Variants in ACOT8 observed in about 807,000 individuals in gnomAD.
ACOT8 encodes the protein acyl-coenzyme A thioesterase 8.
In ACOT8, 31 loss-of-function variants were observed where a neutral mutation model predicts 38.4. The ratio of observed to expected loss-of-function variants is 0.81; its 90% confidence interval spans 0.61 to 1.09. ACOT8 has a LOEUF of 1.09. Ranked by LOEUF, ACOT8 falls within the 50% of genes least tolerant of loss-of-function variation. The pLI, the probability that ACOT8 is intolerant of heterozygous loss-of-function variation, is 0.00. For synonymous variants in ACOT8, 158 were observed against 170.3 expected (o/e 0.93, Z 0.56); for missense variants, 373 against 421.8 (o/e 0.88, Z 1.01).
rs1205197822 is a variant in ACOT8, at chr20:45,857,175, A to C, written c.128+13T>G. ...CCTAAAGGAGGGGATGCTGGGCAGG[A>C]GCTGCCGGCTACCTGAAGAGATCCT... is the stretch of plus-strand genomic sequence containing the variant. On this transcript the variant is annotated intron_variant, in intron 1 of 5. Transcript: ENST00000217455. 6.2e-7 allele frequency: 1 copy of C among 1,608,880 alleles called. No individual in the cohort carries two copies. The highest frequency in any genetic ancestry group is 8.5e-7 in the Non-Finnish European group (1 of 1,176,702).
intron 2 of ACOT8, among the ~76,000 whole-genome samples, chr20:45,849,452 ATTT>A (rs58429995): frequency 1.6e-5 from 2 of 127,728 alleles, no homozygotes; most frequent in Admixed American, 8.4e-5. Context: ...TACCCAGCTA[ATTT>A]TTTTTTTTTT....
chr20:45,854,936 G>C (rs1233467415), intron 2 of ACOT8, among the ~76,000 whole-genome samples: 2 of 152,178 alleles, frequency 1.3e-5, no homozygotes, highest in Non-Finnish European at 2.9e-5. Flanking sequence ...GTCATTATCA[G>C]CCAGACATCA....
chr20:45,844,467 G>T (rs781593890), intron 3 of ACOT8, 47 bp from the exon 4 acceptor site: 7 of 1,596,964 alleles, frequency 4.4e-6, no homozygotes, highest in African/African-American at 1.4e-5. Context: ...GGAAGAGAGG[G>T]AGTCACATCT....
chr20:45,857,382 A>C lies in ACOT8; in HGVS notation c.-67T>G. 2.6e-6 allele frequency: 4 copies of C among 1,515,190 alleles called. No homozygotes were observed. The highest frequency in any genetic ancestry group is 3.5e-6 in the Non-Finnish European group (4 of 1,129,290). The allele number at this position is 1,515,190 out of a possible 1,614,324, so 93.9% of individuals were successfully genotyped here. A position where few individuals can be genotyped will look rare whatever the true frequency, so the allele number is the denominator to read the frequency against. On this transcript the variant is annotated 5_prime_UTR_variant, in exon 1 of 6. Transcript: ENST00000217455. ...GACGCGGAGACATACACAGAACCTG[A>C]CTCTTCCGGCAGATTGCCCTAGTAA...
Position 45,857,225 on chromosome 20 carries a change from C to G in ACOT8, c.91G>C (p.Val31Leu). 6.2e-7 allele frequency: 1 copy of G among 1,613,604 alleles called. No homozygotes were observed. The highest frequency in any genetic ancestry group is 8.5e-7 in the Non-Finnish European group (1 of 1,179,942). Reference protein sequence around the residue: ...GDLRSVLVTTVLNLEPLDEDL... With the variant: ...GDLRSVLVTTLLNLEPLDEDL... ...TCGTCCAGCGGCTCGAGGTTGAGCACGGTCGTGACCAAGACGCTACGGAGG... is the reference window on the plus strand; with the variant it reads ...TCGTCCAGCGGCTCGAGGTTGAGCAGGGTCGTGACCAAGACGCTACGGAGG... Residue 31 changes from valine to leucine, a missense_variant, in exon 1 of 6, where the codon GTG (valine) becomes CTG (leucine). Transcript: ENST00000217455.
At chr20:45,853,406 T>G (rs1418717009) in intron 2 of ACOT8, 2 of 152,280 alleles carry the variant, frequency 1.3e-5, no homozygotes, top group African/African-American at 4.8e-5. Flanking sequence ...AACAAGATAA[T>G]GCACACAACT....
Position 45,843,632 on chromosome 20 carries a change from G to A in ACOT8, c.736C>T (p.Gln246Ter), listed in dbSNP as rs1984436113. 1.9e-6 allele frequency: 3 copies of A among 1,613,824 alleles called. No homozygotes were observed. Among genetic ancestry groups the A allele is most frequent in the Non-Finnish European group, 2.5e-6 (3 of 1,179,750 alleles). ...LGTALLPHQW[Q>*]HKVHFMVSLD... ...GAGACCATGAAGTGCACCTTGTGCT[G>A]CCACTGGTGAGGCAGCAGTGCAGTG... Residue 246 changes from glutamine to a stop codon, truncating the protein, a stop_gained, in exon 5 of 6, where the codon CAG becomes TAG. Transcript: ENST00000217455. LOFTEE classifies it high-confidence loss of function.
chr20:45,857,190 G>T lies in ACOT8; in HGVS notation c.126C>A (p.Phe42Leu), dbSNP rs1462046424. Residue 42 changes from phenylalanine (F) to leucine (L), a missense_variant and splice_region_variant, in exon 1 of 6, where the codon TTC becomes TTA. Transcript: ENST00000217455. Reference sequence around the variant, plus strand: ...GCTGGGCAGGAGCTGCCGGCTACCTGAAGAGATCCTCGTCCAGCGGCTCGA... The same window carrying T: ...GCTGGGCAGGAGCTGCCGGCTACCTTAAGAGATCCTCGTCCAGCGGCTCGA... ...LNLEPLDEDL[F>L]RGRHYWVPAK... 1.9e-6 allele frequency: 3 copies of T among 1,612,936 alleles called. No individual in the cohort carries two copies. The highest frequency in any genetic ancestry group is 2.5e-6 in the Non-Finnish European group (3 of 1,179,360).
chr20:45,854,095 TC>T (rs1400941288), intron 2 of ACOT8: 13 of 700,148 alleles, frequency 1.9e-5, no homozygotes, highest in Non-Finnish European at 2.8e-5. Flanking sequence ...AGACAAGGTC[TC>T]GATTTATTGC....
At chr20:45,842,380 G>A (rs1283593473) in intron 5 of ACOT8, 12 of 1,283,962 alleles carry the variant, frequency 9.3e-6, no homozygotes, top group African/African-American at 3.0e-5. Context: ...TCAACAGCTC[G>A]GCCAAGCAGA....
intron 5 of ACOT8, 67 bp from the exon 6 acceptor site, chr20:45,842,023 CCT>C: frequency 1.3e-6 from 2 of 1,563,156 alleles, no homozygotes; most frequent in Non-Finnish European, 1.7e-6. Flanking sequence ...TTTTTTTTTT[CCT>C]GAAACAGAGT....
chr20:45,855,000 G>T (rs761891898), intron 2 of ACOT8, among the ~76,000 whole-genome samples, 159 bp downstream of exon 2: 3 of 152,158 alleles, frequency 2.0e-5, no homozygotes, highest in Non-Finnish European at 4.4e-5. Context: ...GTTAGCCCCA[G>T]ACCTCGTTCC....
chr20:45,856,781 A>C (rs1380329776), intron 1 of ACOT8, among the ~76,000 whole-genome samples: 1 of 152,220 alleles, frequency 6.6e-6, no homozygotes, highest in Non-Finnish European at 1.5e-5. Flanking sequence ...AACCAGACCC[A>C]CCAAATGGTA....
At position 45,852,635 on chromosome 20, in the gene ACOT8, G is replaced by A. The variant is rs141770337; in HGVS notation, c.262+2524C>T. 2.3e-4 allele frequency among the ~76,000 whole-genome samples: 35 copies of A among 152,214 alleles called. No homozygotes were observed. In the East Asian group the frequency reaches 4.2e-3, roughly 18 times the overall value. On this transcript the variant is annotated intron_variant, in intron 2 of 5. Coordinates refer to ENST00000217455, the MANE Select transcript of ACOT8 (RefSeq NM_005469.4). ...CTTAGCCAAATTTTTTGACATGATC[G>A]CTTCTCCCAAATCCCATTACTACTG...
intron 2 of ACOT8, among the ~76,000 whole-genome samples, chr20:45,852,604 A>C (rs1408234493): frequency 1.3e-5 from 2 of 152,178 alleles, no homozygotes; most frequent in African/African-American, 4.8e-5. Flanking sequence ...AACTGCAACA[A>C]TATGGCTTAG....
rs1601085151 is a variant in ACOT8, at chr20:45,842,305, CT to C, written c.842-350del. 1.2e-5 allele frequency: 17 copies of C among 1,417,692 alleles called. No individual in the cohort carries two copies. In the East Asian group the frequency reaches 4.1e-4, roughly 34 times the overall value. The allele number at this position is 1,417,692 out of a possible 1,614,324, so 87.8% of individuals were successfully genotyped here. The stretch of plus-strand genomic sequence containing the variant: ...AACCCCAGTTGACAGTTTAAAAGCA[CT>C]TTCACACCTCTCCTCGCTTCCTCAA... On this transcript the variant is annotated intron_variant, in intron 5 of 5. Transcript: ENST00000217455.
In ACOT8 at chr20:45,845,988, C is replaced by T. The variant is rs147171454; in HGVS notation, c.489-1568G>A. 7.9e-3 allele frequency among the ~76,000 whole-genome samples: 1,200 copies of T among 152,098 alleles called. 5 individuals are homozygous for T. The highest frequency in any genetic ancestry group is 0.015 in the Admixed American group (229 of 15,268). ...CTGGGATTACAGGCACGGGCCACCACGCCTGGCTAATTTTTTTGTGTGTGT... is the reference window on the plus strand; with the variant it reads ...CTGGGATTACAGGCACGGGCCACCATGCCTGGCTAATTTTTTTGTGTGTGT... On this transcript the variant is annotated intron_variant, in intron 3 of 5. Transcript: ENST00000217455.
intron 2 of ACOT8, chr20:45,848,903 G>A: frequency 2.3e-6 from 1 of 429,916 alleles, no homozygotes; most frequent in Non-Finnish European, 4.1e-6. Context: ...GACATTGACA[G>A]ATTCCTTGCA....
chr20:45,849,730 C>T (rs977498859), intron 2 of ACOT8, among the ~76,000 whole-genome samples: 1 of 152,104 alleles, frequency 6.6e-6, no homozygotes, highest in Non-Finnish European at 1.5e-5. Context: ...AGATTACAGG[C>T]ATGAGCCACT....
Sources: gnomAD v4.1 joint callset for allele counts (sites outside exome capture counted in the v4.1 genomes callset) on GRCh38, gnomAD v4.1.1 for gene constraint, MANE v1.5 for transcripts, NCBI Gene and HGNC (gene_info 2026-07-23, HGNC 2026-07-21) for gene names.